The following FOXK1 variants were observed in gnomAD, a reference collection of about 807,000 sequenced individuals.
The protein encoded by FOXK1 is forkhead box protein K1.
FOXK1 carries 19 observed loss-of-function variants against 51.9 expected under a neutral mutation model. That is an observed-to-expected ratio of 0.37 (90% CI 0.26 to 0.54). FOXK1 has a LOEUF of 0.54. FOXK1 is among the 20% of genes least tolerant of loss of function. The probability of loss-of-function intolerance (pLI) is 0.87; values close to 1 mark genes in which losing one functional copy is unlikely to be tolerated. For synonymous variants in FOXK1, 537 were observed against 482.6 expected (o/e 1.11, Z -1.48); for missense variants, 870 against 1,032.7 (o/e 0.84, Z 2.16).
chr7:4,735,718 G>A lies in FOXK1; in HGVS notation c.561-5120G>A, dbSNP rs1780543843. ...GCCGGTCAAGACCGGCAGTGTGTGT[G>A]GCTGGGTTTAAACCACCGTGCAGCA... is the stretch of plus-strand genomic sequence containing the variant. On this transcript the variant is annotated intron_variant, in intron 1 of 8. Transcript: ENST00000328914. The surrounding 1 kb of genome is among the most constrained non-coding windows in gnomAD (Gnocchi z 4.7). Among the ~76,000 whole-genome samples, 1 of 152,206 alleles carries A rather than the reference G, an allele frequency of 6.6e-6. No individual in the cohort carries two copies. Among genetic ancestry groups the A allele is most frequent in the Admixed American group, 6.5e-5 (1 of 15,272 alleles).
chr7:4,724,232 G>GT (rs1780350683), intron 1 of FOXK1, among the ~76,000 whole-genome samples: 1 of 152,108 alleles, frequency 6.6e-6, no homozygotes, highest in African/African-American at 2.4e-5. Flanking sequence ...GTCTTCCTCT[G>GT]TCACCCAGGC....
intron 1 of FOXK1, among the ~76,000 whole-genome samples, chr7:4,718,809 T>C (rs1236819912): frequency 6.6e-6 from 1 of 152,244 alleles, no homozygotes; most frequent in South Asian, 2.1e-4. Flanking sequence ...TAGCTTTTGT[T>C]TTTTTGTTTG....
chr7:4,735,380 A>G lies in FOXK1; in HGVS notation c.561-5458A>G, dbSNP rs184955287. ...TGAGATCGACTGCACATACCTTACA[A>G]CTAACCCTTTCCATTGTTCCAGTCC... On this transcript the variant is annotated intron_variant, in intron 1 of 8. Transcript: ENST00000328914. This position sits in a 1 kb window ranked among gnomAD's most constrained non-coding sequence, Gnocchi z 4.7. Among the ~76,000 whole-genome samples the G allele has an allele frequency of 6.6e-6, 1 of 152,234 alleles. No homozygotes were observed. Among genetic ancestry groups the G allele is most frequent in the Admixed American group, 6.5e-5 (1 of 15,292 alleles).
At chr7:4,699,400 ACT>A (rs1411424383) in intron 1 of FOXK1, among the ~76,000 whole-genome samples, 1 of 138,744 alleles carries the variant, frequency 7.2e-6, no homozygotes, top group East Asian at 2.1e-4. Flanking sequence ...GAGACATCTC[ACT>A]CTGTCACCCA....
chr7:4,766,326 C>A lies in FOXK1; in HGVS notation c.*3862C>A, dbSNP rs1188340835. The A allele has an allele frequency of 6.6e-6, 1 of 152,212 alleles. No individual in the cohort carries two copies. Among genetic ancestry groups the A allele is most frequent in the African/African-American group, 2.4e-5 (1 of 41,428 alleles). The allele number at this position is 152,212 out of a possible 1,614,324, so 9.4% of individuals were successfully genotyped here. ...GTGAAATGAGACGCTGGTGTGGGGT[C>A]CCCATGTAGAGACCCTCAGGTCCCT... is the stretch of plus-strand genomic sequence containing the variant. On this transcript the variant is annotated 3_prime_UTR_variant, in exon 9 of 9. Transcript: ENST00000328914. This position sits in a 1 kb window ranked among gnomAD's most constrained non-coding sequence, Gnocchi z 5.5.
chr7:4,705,544 T>TCGCTCTCGCTCTCG (rs1288577033), intron 1 of FOXK1, among the ~76,000 whole-genome samples: 1 of 149,096 alleles, frequency 6.7e-6, no homozygotes, highest in African/African-American at 2.5e-5. Context: ...TCTCTCTCTC[T>TCGCTCTCGCTCTCG]CTCTCTCTCT....
In FOXK1 at chr7:4,731,498, G is replaced by A. The variant is rs999756617; in HGVS notation, c.561-9340G>A. On this transcript the variant is annotated intron_variant, in intron 1 of 8. Transcript: ENST00000328914. This position sits in a 1 kb window ranked among gnomAD's most constrained non-coding sequence, Gnocchi z 5.3. ...GAGGCGGCCGGGCACAGTGGCTCACGCCTGTAATCCCAGCACTTTGGGAGG... is the reference window on the plus strand; with the variant it reads ...GAGGCGGCCGGGCACAGTGGCTCACACCTGTAATCCCAGCACTTTGGGAGG... Among the ~76,000 whole-genome samples the A allele has an allele frequency of 1.3e-5, 2 of 152,080 alleles. No homozygotes were observed. Among genetic ancestry groups the A allele is most frequent in the East Asian group, 1.9e-4 (1 of 5,176 alleles).
rs1253845958 is a variant in FOXK1, at chr7:4,755,220, G to C, written c.904-17G>C. On this transcript the variant is annotated splice_polypyrimidine_tract_variant and intron_variant, in intron 3 of 8. Coordinates refer to ENST00000328914, the MANE Select transcript of FOXK1 (RefSeq NM_001037165.2). The surrounding 1 kb of genome is among the most constrained non-coding windows in gnomAD (Gnocchi z 6.6). ...GACCTTGCTGGAGCTCATCCCGTGA[G>C]CCGTGTTTCTCCGCAGGATGAGTCA... 6 of 1,612,628 alleles carry C rather than the reference G, an allele frequency of 3.7e-6. No homozygotes were observed. Among genetic ancestry groups the C allele is most frequent in the Admixed American group, 1.7e-5 (1 of 59,954 alleles).
intron 1 of FOXK1, among the ~76,000 whole-genome samples, chr7:4,699,965 A>G (rs1215511439): frequency 6.6e-6 from 1 of 152,150 alleles, no homozygotes; most frequent in African/African-American, 2.4e-5. Context: ...TCCAAATAAC[A>G]TTGACCGAGT....
chr7:4,699,350 C>G (rs538885052), intron 1 of FOXK1, among the ~76,000 whole-genome samples: 52 of 145,620 alleles, frequency 3.6e-4, no homozygotes, highest in Non-Finnish European at 6.8e-4. Flanking sequence ...TGACACGACT[C>G]GTGGGGTCCT....
chr7:4,720,762 C>T (rs1021881050), intron 1 of FOXK1, among the ~76,000 whole-genome samples: 8 of 151,150 alleles, frequency 5.3e-5, no homozygotes, highest in African/African-American at 1.5e-4. Flanking sequence ...TGCAATGGCG[C>T]GATCTCGGTG....
intron 1 of FOXK1, among the ~76,000 whole-genome samples, chr7:4,706,004 G>GTATATATATATACGTATATATACGTATA (rs1346149426): frequency 1.0e-5 from 1 of 97,294 alleles, no homozygotes; most frequent in African/African-American, 9.0e-5. Context: ...GTATATATAC[G>GTATATATATATACGTATATATACGTATA]TATATATACG....
chr7:4,696,915 A>G (rs960265340), intron 1 of FOXK1, among the ~76,000 whole-genome samples: 2 of 152,136 alleles, frequency 1.3e-5, no homozygotes, highest in Non-Finnish European at 2.9e-5. Flanking sequence ...TAAAAATACA[A>G]AAATTAGCCA....
At chr7:4,740,681 T>C (rs1780621764) in intron 1 of FOXK1, among the ~76,000 whole-genome samples, 157 bp from the exon 2 acceptor site, 1 of 152,116 alleles carries the variant, frequency 6.6e-6, no homozygotes, top group African/African-American at 2.4e-5. Flanking sequence ...TCTCAGTTCC[T>C]AAGTGTCCTG....
chr7:4,721,075 G>A (rs137950506), intron 1 of FOXK1, among the ~76,000 whole-genome samples: 41 of 152,164 alleles, frequency 2.7e-4, no homozygotes, highest in African/African-American at 8.7e-4. Flanking sequence ...CGGGCCCTCC[G>A]TGCCCCGTCC....
intron 1 of FOXK1, among the ~76,000 whole-genome samples, chr7:4,701,318 C>A (rs1363112146): frequency 3.9e-5 from 6 of 152,164 alleles, no homozygotes; most frequent in African/African-American, 1.4e-4. Context: ...TTGTTGGGTA[C>A]AGAGACTGGC....
chr7:4,713,927 G>A (rs748886898), intron 1 of FOXK1, among the ~76,000 whole-genome samples: 4 of 150,920 alleles, frequency 2.7e-5, no homozygotes, highest in South Asian at 2.1e-4. Context: ...CCGAGTTCAC[G>A]TGATTTCTCC....
chr7:4,712,573 T>C (rs750816513), intron 1 of FOXK1, among the ~76,000 whole-genome samples: 8 of 152,190 alleles, frequency 5.3e-5, no homozygotes, highest in Non-Finnish European at 1.0e-4. Flanking sequence ...CGGAGAGTTG[T>C]TAGAATCAAA....
rs1392591490 is a variant in FOXK1, at chr7:4,682,473, G to A, written c.165G>A (p.Pro55=). The A allele has an allele frequency of 3.0e-6, 3 of 987,530 alleles. No individual in the cohort carries two copies. Among genetic ancestry groups the A allele is most frequent in the Non-Finnish European group, 3.6e-6 (3 of 833,338 alleles). 61.2% of individuals were successfully genotyped at this position (987,530 alleles called of 1,614,324 possible). A position where few individuals can be genotyped will look rare whatever the true frequency, so the allele number is the denominator to read the frequency against. Reference sequence around the variant, plus strand: ...AGCCTCCGCCCGGGCCGCCGCCGCCGCCGCCACCGCCGCTGCCTCCGGGCG... The same window carrying A: ...AGCCTCCGCCCGGGCCGCCGCCGCCACCGCCACCGCCGCTGCCTCCGGGCG... The part of the protein sequence containing the change: ...QPQPPPGPPP[P]PPPPLPPGAI... The change falls in exon 1 of 9, where the codon CCG becomes CCA. Residue 55 remains proline, a synonymous_variant. Coordinates refer to ENST00000328914, the MANE Select transcript of FOXK1 (RefSeq NM_001037165.2). This position sits in a 1 kb window ranked among gnomAD's most constrained non-coding sequence, Gnocchi z 7.6.
Sources: gnomAD v4.1 joint callset for allele counts (sites outside exome capture counted in the v4.1 genomes callset) on GRCh38, gnomAD v4.1.1 for gene constraint, Gnocchi (gnomAD v3.1) non-coding constraint, MANE v1.5 for transcripts, NCBI Gene and HGNC (gene_info 2026-07-23, HGNC 2026-07-21) for gene names.